The following PPP2R2B variants were observed in gnomAD, a reference collection of about 807,000 sequenced individuals.
PPP2R2B encodes the protein serine/threonine-protein phosphatase 2A 55 kDa regulatory subunit B beta isoform.
PPP2R2B carries 5 observed loss-of-function variants against 46.0 expected under a neutral mutation model. The observed-to-expected ratio is 0.11, with a 90% CI of 0.06 to 0.23. PPP2R2B has a LOEUF of 0.23. Among genes scored for constraint, PPP2R2B ranks in the 10% least tolerant of loss-of-function variants. The pLI, the probability that PPP2R2B is intolerant of heterozygous loss-of-function variation, is 1.00. For missense variants in PPP2R2B, 367 were observed against 575.0 expected (o/e 0.64, Z 3.70); for synonymous variants, 215 against 206.7 (o/e 1.04, Z -0.34).
At chr5:146,861,383 G>T (rs868844971) in intron 2 of PPP2R2B, among the ~76,000 whole-genome samples, 1 of 151,926 alleles carries the variant, frequency 6.6e-6, no homozygotes. Context: ...AGTAGAGGTG[G>T]GGTTTCACCG....
chr5:146,626,443 A>G (rs1774072388), intron 7 of PPP2R2B, among the ~76,000 whole-genome samples: 1 of 152,254 alleles, frequency 6.6e-6, no homozygotes, highest in South Asian at 2.1e-4. Flanking sequence ...ACATATTTAT[A>G]AATTGAAAAA....
chr5:146,594,853 C>A (rs1771012871), intron 8 of PPP2R2B, among the ~76,000 whole-genome samples: 1 of 152,188 alleles, frequency 6.6e-6, no homozygotes, highest in Non-Finnish European at 1.5e-5. Context: ...CAGAGGGAGG[C>A]TACCAAGGGC....
At chr5:146,663,756 T>C (rs1048830028) in intron 5 of PPP2R2B, among the ~76,000 whole-genome samples, 1 of 152,206 alleles carries the variant, frequency 6.6e-6, no homozygotes, top group Non-Finnish European at 1.5e-5. Context: ...TGGTCTTGAC[T>C]CAATGTTGAT....
Position 146,584,833 on chromosome 5 carries a change from A to G in PPP2R2B, c.*5114T>C, listed in dbSNP as rs1770060087. ...GTGTTTCTAATGGAAGGAGAGAAAC[A>G]TTGGCTTTCTGTTTCCATGCCATAT... On this transcript the variant is annotated 3_prime_UTR_variant, in exon 10 of 10. Coordinates refer to ENST00000394411, the MANE Select transcript of PPP2R2B (RefSeq NM_181675.4). 1 of 152,224 alleles carries G rather than the reference A, an allele frequency of 6.6e-6. No individual in the cohort carries two copies. The highest frequency in any genetic ancestry group is 6.5e-5 in the Admixed American group (1 of 15,292). 9.4% of individuals were successfully genotyped at this position (152,224 alleles called of 1,614,324 possible).
At chr5:146,949,954 T>C (rs1396624158) in intron 1 of PPP2R2B, among the ~76,000 whole-genome samples, 1 of 151,922 alleles carries the variant, frequency 6.6e-6, no homozygotes, top group Non-Finnish European at 1.5e-5. Context: ...AGTAGAATGA[T>C]GGTTACCAGA....
chr5:146,908,994 G>C (rs62373311), intron 1 of PPP2R2B, among the ~76,000 whole-genome samples: 1 of 152,108 alleles, frequency 6.6e-6, no homozygotes, highest in Non-Finnish European at 1.5e-5. Flanking sequence ...TTTACTTTAA[G>C]ATCCTTCAGA....
intron 1 of PPP2R2B, among the ~76,000 whole-genome samples, chr5:146,916,579 T>C (rs1763392588): frequency 6.6e-6 from 1 of 152,188 alleles, no homozygotes; most frequent in African/African-American, 2.4e-5. Context: ...CCAGGTTTTT[T>C]TCTGATTAAA....
intron 2 of PPP2R2B, among the ~76,000 whole-genome samples, chr5:146,782,685 A>T (rs1755604603): frequency 6.6e-6 from 1 of 152,060 alleles, no homozygotes; most frequent in African/African-American, 2.4e-5. Context: ...TTTTTTAAAG[A>T]GTTGATCCAT....
At position 146,904,445 on chromosome 5, in the gene PPP2R2B, CCCAGT is replaced by C. The variant is rs575893303; in HGVS notation, c.79+151215_79+151219del. 5.3e-4 allele frequency among the ~76,000 whole-genome samples: 81 copies of C among 152,226 alleles called. 1 individual carries two copies. Among genetic ancestry groups the C allele is most frequent in the African/African-American group, 1.9e-3 (77 of 41,548 alleles). On this transcript the variant is annotated intron_variant, in intron 1 of 8. Transcript: ENST00000336640. Reference sequence around the variant, plus strand: ...TCAGCCTCTCATGAGGCTTATCAAGCCCAGTCCTGGGGTAGGAGGTAACTAATGGA... The same window carrying C: ...TCAGCCTCTCATGAGGCTTATCAAGCCCTGGGGTAGGAGGTAACTAATGGA...
intron 2 of PPP2R2B, among the ~76,000 whole-genome samples, chr5:146,836,501 C>T (rs539840171): frequency 1.7e-3 from 254 of 152,312 alleles, no homozygotes; most frequent in African/African-American, 5.5e-3. Context: ...TGAGCTGACC[C>T]GGCTCAGCTC....
chr5:146,910,803 T>A (rs1041938331), intron 1 of PPP2R2B, among the ~76,000 whole-genome samples: 1 of 152,188 alleles, frequency 6.6e-6, no homozygotes, highest in African/African-American at 2.4e-5. Flanking sequence ...GAATATAGTA[T>A]AAAATCATTA....
At chr5:147,080,899 A>C (rs555000701) in intron 2 of PPP2R2B, among the ~76,000 whole-genome samples, 3 of 152,286 alleles carry the variant, frequency 2.0e-5, no homozygotes, top group Non-Finnish European at 4.4e-5. Context: ...GAAAAAAAAA[A>C]CAGGAGAGAA....
At chr5:146,617,686 C>T (rs1381430382) in intron 7 of PPP2R2B, among the ~76,000 whole-genome samples, 1 of 148,036 alleles carries the variant, frequency 6.8e-6, no homozygotes, top group Admixed American at 6.7e-5. Flanking sequence ...TCTCATCTCT[C>T]TCTCTCTCTC....
intron 7 of PPP2R2B, among the ~76,000 whole-genome samples, chr5:146,619,251 G>C (rs1773473316): frequency 6.6e-6 from 1 of 150,908 alleles, no homozygotes; most frequent in Admixed American, 6.6e-5. Context: ...TTCCACCTGA[G>C]GTCAGCAGTT....
At chr5:146,930,350 G>C (rs1763927055) in intron 1 of PPP2R2B, among the ~76,000 whole-genome samples, 1 of 152,186 alleles carries the variant, frequency 6.6e-6, no homozygotes, top group Non-Finnish European at 1.5e-5. Flanking sequence ...CATGTGGCTG[G>C]TCATGTGGAG....
chr5:146,661,063 C>T (rs553818948), intron 5 of PPP2R2B, among the ~76,000 whole-genome samples: 13 of 152,196 alleles, frequency 8.5e-5, no homozygotes, highest in Admixed American at 6.5e-4. Context: ...ATTCATCCCA[C>T]GAAAGCAGGG....
At chr5:146,776,024 TA>T (rs1755159621) in intron 2 of PPP2R2B, among the ~76,000 whole-genome samples, 1 of 152,042 alleles carries the variant, frequency 6.6e-6, no homozygotes, top group Non-Finnish European at 1.5e-5. Context: ...TGGGAAGACT[TA>T]ATACTGTTAA....
intron 5 of PPP2R2B, among the ~76,000 whole-genome samples, chr5:146,657,858 C>T (rs185918401): frequency 2.6e-5 from 4 of 152,130 alleles, no homozygotes; most frequent in Non-Finnish European, 5.9e-5. Flanking sequence ...CTCCCCATTC[C>T]CCTCTCCAAA....
At chr5:146,946,095 T>A (rs1222432938) in intron 1 of PPP2R2B, among the ~76,000 whole-genome samples, 1 of 152,182 alleles carries the variant, frequency 6.6e-6, no homozygotes, top group Non-Finnish European at 1.5e-5. Flanking sequence ...AAATGATTTA[T>A]CTAAAATCTC....
Sources: allele counts gnomAD v4.1 joint callset (sites outside exome capture counted in the v4.1 genomes callset), GRCh38; gene constraint gnomAD v4.1.1; transcripts MANE v1.5; gene names NCBI Gene and HGNC (gene_info 2026-07-23, HGNC 2026-07-21).